PLEKHA2: variants seen among roughly 807,000 people sequenced by gnomAD.
PLEKHA2 encodes the protein pleckstrin homology domain-containing family A member 2.
Under a neutral mutation model 53.2 loss-of-function variants are expected in PLEKHA2, and 28 were observed. The ratio of observed to expected loss-of-function variants is 0.53; its 90% CI spans 0.39 to 0.72. The LOEUF is 0.72. Ranked by LOEUF, PLEKHA2 falls within the 30% of genes least tolerant of loss-of-function variation. The pLI is 0.00. For missense variants in PLEKHA2, 426 were observed against 537.9 expected (o/e 0.79, Z 2.06); for synonymous variants, 193 against 196.4 (o/e 0.98, Z 0.14).
chr8:38,944,195 A>G (rs1202949598), intron 4 of PLEKHA2, among the ~76,000 whole-genome samples: 3 of 152,148 alleles, frequency 2.0e-5, no homozygotes, highest in Non-Finnish European at 4.4e-5. Context: ...CTATAAAGAA[A>G]TACCTGAGAC....
Position 38,937,220 on chromosome 8 carries a change from G to T in PLEKHA2, c.198+1170G>T, listed in dbSNP as rs576645175. ...ATTAAAGAGGGAGAGAATGACCTCA[G>T]GGAAGGAGGAAGGGCCTTTTCAAGT... On this transcript the variant is annotated intron_variant, in intron 3 of 11. Coordinates refer to ENST00000617275, the MANE Select transcript of PLEKHA2 (RefSeq NM_021623.2). 5.9e-5 allele frequency among the ~76,000 whole-genome samples: 9 copies of T among 152,352 alleles called. No homozygotes were observed. In the East Asian group the frequency reaches 1.7e-3, roughly 29 times the overall value.
intron 2 of PLEKHA2, among the ~76,000 whole-genome samples, chr8:38,920,405 T>A (rs559790108): frequency 1.3e-5 from 2 of 152,050 alleles, no homozygotes; most frequent in Non-Finnish European, 2.9e-5. Context: ...CTGCCCACCT[T>A]GGCCTCCCAA....
chr8:38,928,153 A>G (rs1399762986), intron 2 of PLEKHA2, among the ~76,000 whole-genome samples: 1 of 150,888 alleles, frequency 6.6e-6, no homozygotes, highest in African/African-American at 2.5e-5. Context: ...TTACAGCTTT[A>G]GAAACATTTA....
chr8:38,930,861 A>G (rs1267161073), intron 2 of PLEKHA2, among the ~76,000 whole-genome samples: 2 of 152,188 alleles, frequency 1.3e-5, no homozygotes, highest in Non-Finnish European at 2.9e-5. Context: ...GCCTACAGCC[A>G]TGACCTCCAA....
chr8:38,927,629 A>T (rs1000680451), intron 2 of PLEKHA2, among the ~76,000 whole-genome samples: 1 of 152,196 alleles, frequency 6.6e-6, no homozygotes, highest in Non-Finnish European at 1.5e-5. Context: ...TTTATTAGTT[A>T]TATCAATTGA....
intron 2 of PLEKHA2, among the ~76,000 whole-genome samples, chr8:38,932,627 C>T (rs1349414187): frequency 6.6e-6 from 1 of 152,202 alleles, no homozygotes; most frequent in Non-Finnish European, 1.5e-5. Flanking sequence ...GATCAGAAAG[C>T]ACCTTCCTAG....
At chr8:38,951,999 C>T (rs1834853148) in intron 6 of PLEKHA2, among the ~76,000 whole-genome samples, 167 bp from the exon 7 acceptor site, 1 of 152,232 alleles carries the variant, frequency 6.6e-6, no homozygotes, top group Non-Finnish European at 1.5e-5. Flanking sequence ...ATCCTCCTGC[C>T]TTGGCCTCCC....
intron 2 of PLEKHA2, among the ~76,000 whole-genome samples, chr8:38,925,649 A>G (rs1834272976): frequency 6.6e-6 from 1 of 152,236 alleles, no homozygotes; most frequent in Admixed American, 6.5e-5. Flanking sequence ...AATTTTTTTA[A>G]ATAAACTGAA....
chr8:38,902,469 G>T (rs1451079337), intron 1 of PLEKHA2, among the ~76,000 whole-genome samples: 2 of 152,154 alleles, frequency 1.3e-5, no homozygotes, highest in Admixed American at 1.3e-4. Flanking sequence ...TCCAAGTGGG[G>T]TTTTCAGAGG....
At chr8:38,955,209 C>A (rs1467449111) in intron 9 of PLEKHA2, among the ~76,000 whole-genome samples, 1 of 152,198 alleles carries the variant, frequency 6.6e-6, no homozygotes, top group African/African-American at 2.4e-5. Flanking sequence ...CCTCACCCCC[C>A]TCCTGCCCTT....
intron 9 of PLEKHA2, among the ~76,000 whole-genome samples, chr8:38,953,572 C>G (rs1834885635): frequency 6.6e-6 from 1 of 152,182 alleles, no homozygotes; most frequent in South Asian, 2.1e-4. Context: ...CTTCCCATAC[C>G]TTACTCTGGC....
Position 38,970,125 on chromosome 8 carries a change from G to A in PLEKHA2, c.*342G>A. 1 of 445,070 alleles carries A rather than the reference G, an allele frequency of 2.2e-6. No homozygotes were observed. The highest frequency in any genetic ancestry group is 3.5e-5 in the East Asian group (1 of 28,390). The allele number at this position is 445,070 out of a possible 1,614,324, so 27.6% of individuals were successfully genotyped here. A position where few individuals can be genotyped will look rare whatever the true frequency, so the allele number is the denominator to read the frequency against. On this transcript the variant is annotated 3_prime_UTR_variant, in exon 12 of 12. Transcript: ENST00000617275. ...TTTTAGCAGCTCCTCTCCAGAGGGG[G>A]CTGGAAGTCCAGTTTCACCAATGAC...
chr8:38,943,673 T>C, intron 3 of PLEKHA2, 116 bp from the exon 4 acceptor site: 2 of 753,764 alleles, frequency 2.7e-6, no homozygotes, highest in Non-Finnish European at 4.1e-6. Flanking sequence ...TTATTATTTT[T>C]TAAAAATGTA....
At chr8:38,905,245 G>A (rs1045812628) in intron 1 of PLEKHA2, among the ~76,000 whole-genome samples, 1 of 152,054 alleles carries the variant, frequency 6.6e-6, no homozygotes, top group Non-Finnish European at 1.5e-5. Context: ...ATCACTTGAG[G>A]CTAAGAGTTT....
In PLEKHA2 at chr8:38,970,257, A is replaced by G. The variant is rs796220611; in HGVS notation, c.*474A>G. 59 of 397,818 alleles carry G rather than the reference A, an allele frequency of 1.5e-4. 1 individual carries two copies. The South Asian group carries it at 5.7e-3, about 39-fold the overall frequency. 24.6% of individuals were successfully genotyped at this position (397,818 alleles called of 1,614,324 possible). ...CAGCATTAGTCTAATTTTAAGCGCT[A>G]TGTGTTTTGTACCCTTGCAAACTTG... On this transcript the variant is annotated 3_prime_UTR_variant, in exon 12 of 12. Transcript: ENST00000617275.
chr8:38,961,284 T>C (rs1423210330), intron 10 of PLEKHA2, among the ~76,000 whole-genome samples: 1 of 152,172 alleles, frequency 6.6e-6, no homozygotes, highest in Middle Eastern at 3.2e-3. Flanking sequence ...ACGCCTGCAA[T>C]CCTGGGACTT....
At chr8:38,947,846 T>C (rs1477837443) in intron 5 of PLEKHA2, among the ~76,000 whole-genome samples, 1 of 152,056 alleles carries the variant, frequency 6.6e-6, no homozygotes, top group Admixed American at 6.6e-5. Flanking sequence ...CCCAGCACTT[T>C]GGGAGGCTGA....
chr8:38,903,886 C>T (rs1032812879), intron 1 of PLEKHA2, among the ~76,000 whole-genome samples: 1 of 152,164 alleles, frequency 6.6e-6, no homozygotes, highest in African/African-American at 2.4e-5. Flanking sequence ...TGCTCTGCCC[C>T]CTCTCTTTTT....
chr8:38,918,568 CA>C (rs1564110015), intron 2 of PLEKHA2, among the ~76,000 whole-genome samples: 76 of 33,932 alleles, frequency 2.2e-3, no homozygotes, highest in Middle Eastern at 0.011. Flanking sequence ...ACATTATACA[CA>C]CACATGCACA....
Sources: allele counts gnomAD v4.1 joint callset (sites outside exome capture counted in the v4.1 genomes callset), GRCh38; gene constraint gnomAD v4.1.1; transcripts MANE v1.5; gene names NCBI Gene and HGNC (gene_info 2026-07-23, HGNC 2026-07-21).